The following CPSF6 variants were observed in gnomAD, a reference collection of about 807,000 sequenced individuals.
The protein encoded by CPSF6 is cleavage and polyadenylation specific factor 6.
A neutral mutation model predicts 56.7 loss-of-function variants in CPSF6; 10 were observed. The observed-to-expected ratio is 0.18, with a 90% CI of 0.11 to 0.30. The LOEUF (loss-of-function observed/expected upper bound fraction) is 0.30, where lower values mean the gene tolerates loss of function less well. Ranked by LOEUF, CPSF6 falls within the 10% of genes least tolerant of loss-of-function variation. The probability of loss-of-function intolerance (pLI) is 1.00; values close to 1 mark genes in which losing one functional copy is unlikely to be tolerated. For synonymous variants in CPSF6, 248 were observed against 244.8 expected (o/e 1.01, Z -0.12); for missense variants, 419 against 722.9 (o/e 0.58, Z 4.82).
intron 1 of CPSF6, among the ~76,000 whole-genome samples, chr12:69,244,693 GT>G (rs1426652140): frequency 4.8e-5 from 5 of 103,782 alleles, no homozygotes; most frequent in African/African-American, 1.7e-4. Flanking sequence ...ACTGAACCTG[GT>G]CTTTTTTTTT....
chr12:69,251,405 T>A, intron 2 of CPSF6, 67 bp downstream of exon 2: 1 of 1,041,776 alleles, frequency 9.6e-7, no homozygotes, highest in Non-Finnish European at 1.4e-6. Context: ...GTAATTAATG[T>A]TTTTCTCCAG....
chr12:69,254,940 A>G (rs1340164976), intron 3 of CPSF6: 1 of 152,218 alleles, frequency 6.6e-6, no homozygotes, highest in East Asian at 1.9e-4. Context: ...TTAAATGTAC[A>G]ATTCAATGAT....
intron 1 of CPSF6, among the ~76,000 whole-genome samples, chr12:69,250,301 T>C (rs1235241638): frequency 6.6e-6 from 1 of 152,120 alleles, no homozygotes; most frequent in Non-Finnish European, 1.5e-5. Context: ...TTTTCTACTG[T>C]CAGTTTAAAA....
chr12:69,252,073 T>A (rs946376703), intron 2 of CPSF6: 2 of 455,912 alleles, frequency 4.4e-6, no homozygotes, highest in Non-Finnish European at 8.8e-6. Flanking sequence ...TTATTTACAT[T>A]TCTTTTTTTC....
chr12:69,244,067 T>C (rs317630), intron 1 of CPSF6, among the ~76,000 whole-genome samples: 114,773 of 152,058 alleles, frequency 0.75, 43,843 homozygotes, highest in African/African-American at 0.88. Context: ...AGCTGTCTTC[T>C]TGCTTTGACC....
At chr12:69,242,147 A>T (rs1321485153) in intron 1 of CPSF6, among the ~76,000 whole-genome samples, 2 of 152,120 alleles carry the variant, frequency 1.3e-5, no homozygotes, top group Non-Finnish European at 2.9e-5. Flanking sequence ...CGTTGAGTAA[A>T]ATACTAAATA....
At chr12:69,263,781 A>AT (rs1159874295) in intron 9 of CPSF6, among the ~76,000 whole-genome samples, 2 of 152,026 alleles carry the variant, frequency 1.3e-5, no homozygotes, top group African/African-American at 4.8e-5. Context: ...TAAGCATGCT[A>AT]TTTTTATGGA....
At chr12:69,240,034 C>G (rs1364296922) in intron 1 of CPSF6, among the ~76,000 whole-genome samples, 2 of 151,478 alleles carry the variant, frequency 1.3e-5, no homozygotes, top group Admixed American at 6.6e-5. Context: ...GCGCTAGGCC[C>G]GGGCGGTGGG....
chr12:69,259,711 A>G (rs1281559199), intron 7 of CPSF6, among the ~76,000 whole-genome samples, 168 bp downstream of exon 7: 1 of 152,246 alleles, frequency 6.6e-6, no homozygotes, highest in Non-Finnish European at 1.5e-5. Flanking sequence ...TGTGTGTCAC[A>G]GTGTAGTGGG....
At position 69,263,096 on chromosome 12, in the gene CPSF6, ATT is replaced by A. The variant is rs59954696; in HGVS notation, c.*3+544_*3+545del. Among the ~76,000 whole-genome samples the A allele has an allele frequency of 3.6e-3, 547 of 150,050 alleles. 7 individuals carry two copies. Among genetic ancestry groups the A allele is most frequent in the African/African-American group, 0.012 (509 of 41,044 alleles). ...AAGAGAATTTTCCTTTAAAAAAAAA[ATT>A]TTTTTTTTTAGAAGAGACACTATCC... On this transcript the variant is annotated intron_variant, in intron 9 of 9. Coordinates refer to ENST00000435070, the MANE Select transcript of CPSF6 (RefSeq NM_007007.3).
Position 69,251,181 on chromosome 12 carries a change from C to T in CPSF6, c.113C>T (p.Ser38Phe). 1.2e-6 allele frequency: 2 copies of T among 1,612,788 alleles called. No individual in the cohort carries two copies. Among genetic ancestry groups the T allele is most frequent in the Non-Finnish European group, 1.7e-6 (2 of 1,179,466 alleles). Reference protein sequence around the residue: ...DQIDLYDDVISPSANNGDAPE... With the variant: ...DQIDLYDDVIFPSANNGDAPE... The stretch of plus-strand genomic sequence containing the variant: ...ATAGATTTGTATGACGATGTCATAT[C>T]TCCATCTGCAAATAATGGAGATGCC... The change falls in exon 2 of 10, where the codon TCT becomes TTT. Residue 38 changes from serine (S) to phenylalanine (F), a missense_variant. By Grantham distance (155) the Ser-to-Phe change is radical (BLOSUM62 -2). Coordinates refer to ENST00000435070, the MANE Select transcript of CPSF6 (RefSeq NM_007007.3).
intron 1 of CPSF6, among the ~76,000 whole-genome samples, chr12:69,249,587 A>G (rs1333743003): frequency 6.6e-6 from 1 of 152,170 alleles, no homozygotes; most frequent in African/African-American, 2.4e-5. Flanking sequence ...TCCTTATGTC[A>G]GATGTTCTAT....
chr12:69,256,533 A>G (rs143069592), intron 3 of CPSF6, among the ~76,000 whole-genome samples, 164 bp from the exon 4 acceptor site: 124 of 152,336 alleles, frequency 8.1e-4, no homozygotes, highest in African/African-American at 2.6e-3. Flanking sequence ...GGCTCAAGCA[A>G]TCCTCGTGCC....
Position 69,270,072 on chromosome 12 carries a change from G to C in CPSF6, c.*564G>C, listed in dbSNP as rs12184493. 16,683 of 152,048 alleles carry C rather than the reference G, an allele frequency of 0.11. 1,178 individuals are homozygous for C. The highest frequency in any genetic ancestry group is 0.16 in the Non-Finnish European group (10,538 of 67,570). The allele number at this position is 152,048 out of a possible 1,614,324, so 9.4% of individuals were successfully genotyped here. Reference sequence around the variant, plus strand: ...TTAAAGCATTGCAATAGCGTTTTTGGATATGCCTCAATCTAATCTTGCGTT... The same window carrying C: ...TTAAAGCATTGCAATAGCGTTTTTGCATATGCCTCAATCTAATCTTGCGTT... On this transcript the variant is annotated 3_prime_UTR_variant, in exon 10 of 10. Coordinates refer to ENST00000435070, the MANE Select transcript of CPSF6 (RefSeq NM_007007.3).
In CPSF6 at chr12:69,239,624, G is replaced by A; in HGVS notation, c.-23G>A. 1 of 1,558,294 alleles carries A rather than the reference G, an allele frequency of 6.4e-7. No homozygotes were observed. The highest frequency in any genetic ancestry group is 1.2e-5 in the South Asian group (1 of 84,642). On this transcript the variant is annotated 5_prime_UTR_variant, in exon 1 of 10. Coordinates refer to ENST00000435070, the MANE Select transcript of CPSF6 (RefSeq NM_007007.3). The stretch of plus-strand genomic sequence containing the variant: ...AGACCTGCAGGAGGCGGCGGCGGCG[G>A]CGGCGGCCGAGGCTGAAGGAAGATG...
intron 2 of CPSF6, chr12:69,252,088 G>A (rs1326996520): frequency 2.2e-6 from 1 of 454,058 alleles, no homozygotes; most frequent in Non-Finnish European, 4.4e-6. Context: ...TTTTTCAGGG[G>A]GAGACAGAAT....
In CPSF6 at chr12:69,239,610, AGGCGGCGGCGGC is replaced by A. The variant is rs574075893; in HGVS notation, c.-27_-16del. ...CTGCCGCGGCGGGCAGACCTGCAGG[AGGCGGCGGCGGC>A]GGCGGCGGCCGAGGCTGAAGGAAGA... On this transcript the variant is annotated 5_prime_UTR_variant, in exon 1 of 10. Coordinates refer to ENST00000435070, the MANE Select transcript of CPSF6 (RefSeq NM_007007.3). 1.4e-5 allele frequency: 20 copies of A among 1,472,224 alleles called. No individual in the cohort carries two copies. Among genetic ancestry groups the A allele is most frequent in the East Asian group, 2.9e-5 (1 of 35,074 alleles). The allele number at this position is 1,472,224 out of a possible 1,614,324, so 91.2% of individuals were successfully genotyped here.
rs1872224091 is a variant in CPSF6, at chr12:69,251,158, A to C, written c.90A>C (p.Ile30=). The C allele has an allele frequency of 1.9e-6, 3 of 1,612,242 alleles. No individual in the cohort carries two copies. In the African/African-American group the frequency reaches 4.0e-5, roughly 22 times the overall value. Residue 30 remains isoleucine, a synonymous_variant, in exon 2 of 10, where the codon ATA becomes ATC. Transcript: ENST00000435070. ...QEAEYGGHDQ[I]DLYDDVISPS... ...CTGAATATGGTGGGCATGATCAGAT[A>C]GATTTGTATGACGATGTCATATCTC...
intron 1 of CPSF6, among the ~76,000 whole-genome samples, chr12:69,244,991 G>T (rs1325749784): frequency 6.6e-6 from 1 of 151,602 alleles, no homozygotes; most frequent in Non-Finnish European, 1.5e-5. Flanking sequence ...TGGTGTGGTG[G>T]TTCACACCTG....
Sources: gnomAD v4.1 joint callset for allele counts (sites outside exome capture counted in the v4.1 genomes callset) on GRCh38, gnomAD v4.1.1 for gene constraint, MANE v1.5 for transcripts, NCBI Gene and HGNC (gene_info 2026-07-23, HGNC 2026-07-21) for gene names.